TMEM232: variants seen among roughly 807,000 people sequenced by gnomAD.
TMEM232 encodes transmembrane protein 232.
Under a neutral mutation model 78.8 loss-of-function variants are expected in TMEM232, and 80 were observed. The ratio of observed to expected loss-of-function variants is 1.01; its 90% CI spans 0.85 to 1.22. The LOEUF (loss-of-function observed/expected upper bound fraction) is 1.22. Ranked by LOEUF, TMEM232 falls within the 50% of genes most tolerant of loss-of-function variation. The pLI, the probability that TMEM232 is intolerant of heterozygous loss-of-function variation, is 0.00. For missense variants in TMEM232, 881 were observed against 742.2 expected, an observed-to-expected ratio of 1.19 and a Z score of -2.17; for synonymous variants, 297 against 254.3, an observed-to-expected ratio of 1.17 and a Z score of -1.60.
At chr5:110,625,115 TG>T (rs933667458) in intron 7 of TMEM232, among the ~76,000 whole-genome samples, 151 bp downstream of exon 7, 102 of 152,144 alleles carry the variant, frequency 6.7e-4, no homozygotes, top group Non-Finnish European at 1.2e-3. Flanking sequence ...TATGGTTGCA[TG>T]AAATTCGTAT....
intron 11 of TMEM232, among the ~76,000 whole-genome samples, chr5:110,563,761 T>G (rs1039964571): frequency 6.6e-6 from 1 of 151,920 alleles, no homozygotes; most frequent in Non-Finnish European, 1.5e-5. Flanking sequence ...ATTTTCTTTG[T>G]TTTTCTTTTA....
At chr5:110,656,341 G>A (rs898917409) in intron 2 of TMEM232, among the ~76,000 whole-genome samples, 3 of 152,070 alleles carry the variant, frequency 2.0e-5, no homozygotes, top group Non-Finnish European at 2.9e-5. Context: ...ACTGAAAGAC[G>A]GAAAAAGGCC....
intron 2 of TMEM232, among the ~76,000 whole-genome samples, chr5:110,660,315 G>T (rs1247852229): frequency 2.0e-5 from 3 of 151,868 alleles, no homozygotes; most frequent in Non-Finnish European, 4.4e-5. Flanking sequence ...AGTAATAATT[G>T]CTCAAAGATA....
At chr5:110,512,857 T>A (rs1476909823) in intron 12 of TMEM232, among the ~76,000 whole-genome samples, 1 of 152,198 alleles carries the variant, frequency 6.6e-6, no homozygotes. Context: ...TGATCTGTAT[T>A]TGAAATATAG....
intron 1 of TMEM232, among the ~76,000 whole-genome samples, chr5:110,692,831 G>A (rs891925620): frequency 2.6e-5 from 4 of 152,196 alleles, no homozygotes; most frequent in Admixed American, 6.5e-5. Context: ...GCCCATCACA[G>A]CTCAAGGAGG....
intron 10 of TMEM232, among the ~76,000 whole-genome samples, chr5:110,600,969 C>T (rs1486630150): frequency 1.3e-5 from 2 of 152,158 alleles, no homozygotes; most frequent in Admixed American, 1.3e-4. Flanking sequence ...ACGATCAAGT[C>T]AGCTTCATCC....
chr5:110,392,262 G>C (rs1008492388), intron 3 of TMEM232, among the ~76,000 whole-genome samples: 5 of 152,160 alleles, frequency 3.3e-5, no homozygotes, highest in Non-Finnish European at 7.3e-5. Flanking sequence ...AAGGAGAAGA[G>C]TGAATAAATA....
chr5:110,421,131 A>G (rs920961881), intron 13 of TMEM232, among the ~76,000 whole-genome samples: 1 of 152,092 alleles, frequency 6.6e-6, no homozygotes. Flanking sequence ...AAAAATACAG[A>G]AAATACAAAT....
At chr5:110,694,708 A>C (rs1160051208) in intron 1 of TMEM232, among the ~76,000 whole-genome samples, 1 of 151,918 alleles carries the variant, frequency 6.6e-6, no homozygotes, top group Admixed American at 6.6e-5. Flanking sequence ...GAGACAAAGA[A>C]GGCCATTACA....
At chr5:110,467,543 A>G (rs1037694291) in intron 12 of TMEM232, among the ~76,000 whole-genome samples, 13 of 152,254 alleles carry the variant, frequency 8.5e-5, no homozygotes, top group Non-Finnish European at 1.5e-4. Context: ...CTTCAAAACT[A>G]TGAAAGCCAT....
chr5:110,546,610 A>T (rs1410815052), intron 11 of TMEM232, among the ~76,000 whole-genome samples: 2 of 152,138 alleles, frequency 1.3e-5, no homozygotes, highest in African/African-American at 2.4e-5. Flanking sequence ...CCATAAACAT[A>T]GTCATTTGCA....
intron 1 of TMEM232, among the ~76,000 whole-genome samples, chr5:110,717,189 C>T (rs1041188545): frequency 6.6e-5 from 10 of 151,910 alleles, no homozygotes; most frequent in Non-Finnish European, 1.2e-4. Context: ...CCCCACCCCC[C>T]GCCACATACA....
intron 11 of TMEM232, among the ~76,000 whole-genome samples, chr5:110,555,373 T>A (rs540806526): frequency 6.6e-6 from 1 of 152,154 alleles, no homozygotes; most frequent in East Asian, 1.9e-4. Context: ...AAGAGTATAA[T>A]TGGTATGATT....
At chr5:110,737,914 G>A (rs1799366828) in intron 1 of TMEM232, 2 of 153,390 alleles carry the variant, frequency 1.3e-5, no homozygotes, top group African/African-American at 2.4e-5. Flanking sequence ...ATGTCAATTC[G>A]TTATTTAAAA....
intron 6 of TMEM232, among the ~76,000 whole-genome samples, chr5:110,627,549 AG>A (rs1784581310): frequency 6.6e-6 from 1 of 152,082 alleles, no homozygotes; most frequent in East Asian, 1.9e-4. Context: ...CGGAAAAAAA[AG>A]TAGAGTCAGA....
At chr5:110,438,506 C>A (rs200170727) in intron 12 of TMEM232, among the ~76,000 whole-genome samples, 1 of 151,896 alleles carries the variant, frequency 6.6e-6, no homozygotes. Context: ...TAACATTGTT[C>A]ATCTAATGTC....
At chr5:110,495,502 C>T (rs1302006792) in intron 12 of TMEM232, among the ~76,000 whole-genome samples, 1 of 151,842 alleles carries the variant, frequency 6.6e-6, no homozygotes, top group African/African-American at 2.4e-5. Context: ...TGAAAACATA[C>T]ATCTTGATTA....
At chr5:110,490,617 G>C (rs367652667) in intron 12 of TMEM232, among the ~76,000 whole-genome samples, 1 of 151,970 alleles carries the variant, frequency 6.6e-6, no homozygotes, top group South Asian at 2.1e-4. Context: ...TCAAACTGTG[G>C]GACTGACATA....
At chr5:110,648,797 G>A (rs116684160) in intron 2 of TMEM232, among the ~76,000 whole-genome samples, 103 of 152,170 alleles carry the variant, frequency 6.8e-4, no homozygotes, top group African/African-American at 2.4e-3. Context: ...TTCTTTGCAG[G>A]ACTTTTTAAG....
Sources: gnomAD v4.1 joint callset for allele counts (sites outside exome capture counted in the v4.1 genomes callset) on GRCh38, gnomAD v4.1.1 for gene constraint, MANE v1.5 for transcripts, NCBI Gene and HGNC (gene_info 2026-07-23, HGNC 2026-07-21) for gene names.